The following AAK1 variants were observed in gnomAD, a reference collection of about 807,000 sequenced individuals.
AAK1 encodes AP2 associated kinase 1, also known as AP2-associated protein kinase 1.
AAK1 carries 37 observed loss-of-function variants against 116.0 expected under a neutral mutation model. The ratio of observed to expected loss-of-function variants is 0.32; its 90% CI spans 0.25 to 0.42. The LOEUF (loss-of-function observed/expected upper bound fraction) is 0.42. Ranked by LOEUF, AAK1 falls within the 10% of genes least tolerant of loss-of-function variation. The probability of loss-of-function intolerance (pLI) is 1.00; values close to 1 mark genes in which losing one functional copy is unlikely to be tolerated. For missense variants in AAK1, 919 were observed against 1,170.6 expected, an observed-to-expected ratio of 0.79 and a Z score of 3.14; for synonymous variants, 458 against 439.9, an observed-to-expected ratio of 1.04 and a Z score of -0.51.
chr2:69,599,223 T>C (rs756282028), intron 2 of AAK1, among the ~76,000 whole-genome samples: 3 of 152,202 alleles, frequency 2.0e-5, no homozygotes, highest in Admixed American at 2.0e-4. Flanking sequence ...AATTCGAACA[T>C]GTCTATAGAC....
At chr2:69,622,799 C>T (rs548574766) in intron 2 of AAK1, among the ~76,000 whole-genome samples, 2 of 152,286 alleles carry the variant, frequency 1.3e-5, no homozygotes, top group African/African-American at 4.8e-5. Context: ...TTTGTAAATA[C>T]ACCAATCGAC....
intron 17 of AAK1, among the ~76,000 whole-genome samples, chr2:69,489,957 AG>A (rs776259202): frequency 4.6e-5 from 7 of 152,212 alleles, no homozygotes; most frequent in Non-Finnish European, 8.8e-5. Flanking sequence ...AATGAGGAAG[AG>A]GCCAGGCCAA....
At chr2:69,509,080 T>G in intron 14 of AAK1, 151 bp downstream of exon 14, 1 of 675,700 alleles carries the variant, frequency 1.5e-6, no homozygotes, top group Admixed American at 3.0e-5. Flanking sequence ...GCCAGAAAAA[T>G]AAACAAACCA....
chr2:69,603,921 TTCTA>T (rs1673687246), intron 2 of AAK1, among the ~76,000 whole-genome samples: 1 of 152,212 alleles, frequency 6.6e-6, no homozygotes, highest in African/African-American at 2.4e-5. Flanking sequence ...TGATGCTGTT[TTCTA>T]TCTGTGGCTG....
chr2:69,512,159 G>A (rs775003439), intron 13 of AAK1, among the ~76,000 whole-genome samples: 3 of 152,080 alleles, frequency 2.0e-5, no homozygotes, highest in African/African-American at 4.8e-5. Context: ...GAGAGACCAC[G>A]GGAGAAGGAA....
chr2:69,525,010 G>A, intron 10 of AAK1, 23 bp downstream of exon 10: 1 of 1,606,994 alleles, frequency 6.2e-7, no homozygotes, highest in African/African-American at 1.3e-5. Context: ...AGGAGGACAT[G>A]TGTTCATGAA....
intron 17 of AAK1, among the ~76,000 whole-genome samples, chr2:69,493,566 C>G (rs748755225): frequency 6.6e-6 from 1 of 152,090 alleles, no homozygotes; most frequent in Non-Finnish European, 1.5e-5. Flanking sequence ...ATTCATTTGT[C>G]GGATCTGTAA....
chr2:69,501,247 T>G (rs1219197535), intron 16 of AAK1, among the ~76,000 whole-genome samples: 1 of 152,184 alleles, frequency 6.6e-6, no homozygotes, highest in Non-Finnish European at 1.5e-5. Flanking sequence ...TCAATATACT[T>G]ATACAATTTA....
Position 69,470,267 on chromosome 2 carries a change from C to T in AAK1, c.*5602G>A. On this transcript the variant is annotated 3_prime_UTR_variant, in exon 22 of 22. Coordinates refer to ENST00000409085, the MANE Select transcript of AAK1 (RefSeq NM_014911.5). The stretch of plus-strand genomic sequence containing the variant: ...TTGGAGCATTGAGAAGAAGCCTTCT[C>T]ACATATAGTTAGTAAACAGAAAGCA... 1.0e-6 allele frequency: 1 copy of T among 985,388 alleles called. No individual in the cohort carries two copies. The highest frequency in any genetic ancestry group is 1.2e-6 in the Non-Finnish European group (1 of 829,934). 61.0% of individuals were successfully genotyped at this position (985,388 alleles called of 1,614,324 possible). A position where few individuals can be genotyped will look rare whatever the true frequency, so the allele number is the denominator to read the frequency against.
intron 3 of AAK1, among the ~76,000 whole-genome samples, chr2:69,553,268 C>T (rs1360866824): frequency 2.6e-5 from 4 of 152,016 alleles, no homozygotes; most frequent in African/African-American, 7.2e-5. Flanking sequence ...TCACTCCCAA[C>T]GGACTAGGCA....
rs1008068065 is a variant in AAK1 at position 69,532,265 on chromosome 2, C to A, written c.535-103G>T. On this transcript the variant is annotated intron_variant, in intron 5 of 21. Coordinates refer to ENST00000409085, the MANE Select transcript of AAK1 (RefSeq NM_014911.5). ...AAATAAACGTTTTATTTCTGGCAGT[C>A]TCATTAATGTGCACAGGGAAGTTAT... 9 of 1,398,596 alleles carry A rather than the reference C, an allele frequency of 6.4e-6. No individual in the cohort carries two copies. The African/African-American group carries it at 1.3e-4, about 20-fold the overall frequency. The allele number at this position is 1,398,596 out of a possible 1,614,324, so 86.6% of individuals were successfully genotyped here. A position where few individuals can be genotyped will look rare whatever the true frequency, so the allele number is the denominator to read the frequency against.
At chr2:69,508,185 G>A (rs911392354) in intron 14 of AAK1, among the ~76,000 whole-genome samples, 1 of 152,130 alleles carries the variant, frequency 6.6e-6, no homozygotes, top group African/African-American at 2.4e-5. Context: ...GGATCTAAAA[G>A]CAACCTGTTC....
At chr2:69,563,711 A>G (rs1274513397) in intron 2 of AAK1, among the ~76,000 whole-genome samples, 1 of 152,206 alleles carries the variant, frequency 6.6e-6, no homozygotes, top group East Asian at 1.9e-4. Context: ...TCTCTTTTAA[A>G]ATAAGGTGAA....
intron 18 of AAK1, chr2:69,482,279 G>A (rs1675118202): frequency 3.4e-6 from 1 of 298,074 alleles, no homozygotes; most frequent in Non-Finnish European, 6.2e-6. Context: ...TTGAACCCGG[G>A]AGATGGAGGT....
intron 19 of AAK1, 124 bp from the exon 20 acceptor site, chr2:69,479,185 C>A (rs898210624): frequency 1.5e-6 from 1 of 668,548 alleles, no homozygotes; most frequent in South Asian, 2.0e-5. Flanking sequence ...AAAGCCAAAG[C>A]GGGAGAATAA....
chr2:69,564,647 C>T (rs771750780), intron 2 of AAK1, among the ~76,000 whole-genome samples: 42 of 152,272 alleles, frequency 2.8e-4, no homozygotes, highest in African/African-American at 1.0e-3. Flanking sequence ...CTTTAGAGCC[C>T]AACAGGTTAA....
At chr2:69,496,922 G>C (rs1675768376) in intron 16 of AAK1, among the ~76,000 whole-genome samples, 1 of 152,036 alleles carries the variant, frequency 6.6e-6, no homozygotes, top group African/African-American at 2.4e-5. Flanking sequence ...CCTAATCTCT[G>C]TACTATACTT....
At chr2:69,535,580 T>C (rs188926621) in intron 5 of AAK1, among the ~76,000 whole-genome samples, 1 of 152,118 alleles carries the variant, frequency 6.6e-6, no homozygotes, top group Admixed American at 6.5e-5. Flanking sequence ...ACGAATGTTA[T>C]TTTAAATAGT....
At chr2:69,562,794 G>A (rs1233838932) in intron 2 of AAK1, among the ~76,000 whole-genome samples, 1 of 152,218 alleles carries the variant, frequency 6.6e-6, no homozygotes, top group Non-Finnish European at 1.5e-5. Flanking sequence ...GAAGCCTGAG[G>A]CAGGAGAATT....
Sources: gnomAD v4.1 joint callset for allele counts (sites outside exome capture counted in the v4.1 genomes callset) on GRCh38, gnomAD v4.1.1 for gene constraint, MANE v1.5 for transcripts, NCBI Gene and HGNC (gene_info 2026-07-23, HGNC 2026-07-21) for gene names.